Variants in PSMD1 observed in about 807,000 individuals in gnomAD.
PSMD1 encodes proteasome 26S subunit, non-ATPase 1, also known as 26S proteasome non-ATPase regulatory subunit 1.
A neutral mutation model predicts 119.0 loss-of-function variants in PSMD1; 18 were observed. That is an observed-to-expected ratio of 0.15 (90% CI 0.10 to 0.22). The LOEUF (loss-of-function observed/expected upper bound fraction) is 0.22, where lower values mean the gene tolerates loss of function less well. Ranked by LOEUF, PSMD1 falls within the 10% of genes least tolerant of loss-of-function variation. The probability of loss-of-function intolerance (pLI) is 1.00; values close to 1 mark genes in which losing one functional copy is unlikely to be tolerated. For missense variants in PSMD1, 702 were observed against 1,158.5 expected (o/e 0.61, Z 5.72); for synonymous variants, 374 against 396.6 (o/e 0.94, Z 0.68).
intron 16 of PSMD1, among the ~76,000 whole-genome samples, chr2:231,093,359 C>T (rs953012875): frequency 1.2e-4 from 18 of 152,262 alleles, no homozygotes; most frequent in African/African-American, 3.9e-4. Flanking sequence ...ATTCGCTCAG[C>T]CTCCTGAGTT....
At chr2:231,092,831 C>T (rs199899188) in intron 16 of PSMD1, among the ~76,000 whole-genome samples, 40 of 152,248 alleles carry the variant, frequency 2.6e-4, no homozygotes, top group African/African-American at 9.1e-4. Context: ...TTGCATTGCC[C>T]GGTTTGAGGC....
chr2:231,072,128 T>C (rs1694056584), intron 6 of PSMD1, 61 bp from the exon 7 acceptor site: 3 of 1,402,374 alleles, frequency 2.1e-6, no homozygotes, highest in African/African-American at 1.4e-5. Flanking sequence ...TTTTGTCTCC[T>C]TAAGTACCTT....
intron 16 of PSMD1, among the ~76,000 whole-genome samples, chr2:231,132,270 A>C (rs1188650775): frequency 2.0e-5 from 3 of 152,204 alleles, no homozygotes; most frequent in African/African-American, 4.8e-5. Context: ...AACAAGTAAA[A>C]ATGACAAAAT....
Position 231,170,365 on chromosome 2 carries a change from T to C in PSMD1, c.2716-201T>C, listed in dbSNP as rs1375983336. 6.5e-6 allele frequency: 3 copies of C among 461,534 alleles called. No individual in the cohort carries two copies. The highest frequency in any genetic ancestry group is 1.1e-5 in the Non-Finnish European group (3 of 269,424). The allele number at this position is 461,534 out of a possible 1,614,324, so 28.6% of individuals were successfully genotyped here. Reference sequence around the variant, plus strand: ...CCAAGTAGAACAGCATCACATGTTATACCATCTAGAGCTACTGGGTTAAGT... The same window carrying C: ...CCAAGTAGAACAGCATCACATGTTACACCATCTAGAGCTACTGGGTTAAGT... On this transcript the variant is annotated intron_variant, in intron 23 of 24. Coordinates refer to ENST00000308696, the MANE Select transcript of PSMD1 (RefSeq NM_002807.4). This position sits in a 1 kb window ranked among gnomAD's most constrained non-coding sequence, Gnocchi z 4.1.
chr2:231,096,488 T>C (rs913851297), intron 16 of PSMD1, among the ~76,000 whole-genome samples: 1 of 152,216 alleles, frequency 6.6e-6, no homozygotes, highest in African/African-American at 2.4e-5. Context: ...TTCTGCATGA[T>C]GTTGTTTAAG....
intron 17 of PSMD1, among the ~76,000 whole-genome samples, chr2:231,143,189 GT>G (rs1696169189): frequency 1.3e-3 from 1 of 792 alleles, no homozygotes; most frequent in Admixed American, 0.019. Context: ...AACGTTGTGG[GT>G]TTGGTTTGGT....
intron 5 of PSMD1, 74 bp downstream of exon 5, chr2:231,067,185 T>C: frequency 1.7e-6 from 2 of 1,167,942 alleles, no homozygotes; most frequent in African/African-American, 3.1e-5. Context: ...AACTGAAACT[T>C]TCATAGGCAG....
intron 21 of PSMD1, 73 bp downstream of exon 21, chr2:231,163,800 A>G (rs1383507615): frequency 3.6e-6 from 4 of 1,101,418 alleles, no homozygotes; most frequent in Admixed American, 4.5e-5. Flanking sequence ...CTTTTTCTTT[A>G]ACTATCTTTT....
intron 16 of PSMD1, among the ~76,000 whole-genome samples, chr2:231,115,190 CAA>C (rs779451668): frequency 9.6e-5 from 12 of 124,512 alleles, no homozygotes; most frequent in Admixed American, 1.6e-4. Context: ...AATCTCAGAC[CAA>C]AAAAAAAAAA....
intron 16 of PSMD1, chr2:231,109,009 G>A (rs371120289): frequency 4.0e-5 from 64 of 1,614,078 alleles, no homozygotes; most frequent in African/African-American, 8.0e-5. Flanking sequence ...CTCTCTGTTC[G>A]TTGGAAATGG....
chr2:231,088,385 A>T (rs1465160615), intron 16 of PSMD1, among the ~76,000 whole-genome samples: 1 of 152,210 alleles, frequency 6.6e-6, no homozygotes, highest in Non-Finnish European at 1.5e-5. Context: ...AGCTTTGCAG[A>T]TACTGCATTT....
chr2:231,150,841 A>G (rs1255227662), intron 18 of PSMD1, among the ~76,000 whole-genome samples: 1 of 152,226 alleles, frequency 6.6e-6, no homozygotes, highest in Non-Finnish European at 1.5e-5. Context: ...CTTGATGTAC[A>G]GCTACATTTC....
intron 6 of PSMD1, 95 bp downstream of exon 6, chr2:231,070,263 G>A: frequency 1.9e-6 from 2 of 1,028,002 alleles, no homozygotes; most frequent in Non-Finnish European, 2.5e-6. Flanking sequence ...TTACTATAAT[G>A]GCTTTATACA....
intron 24 of PSMD1, among the ~76,000 whole-genome samples, chr2:231,171,848 G>A (rs1265168638): frequency 6.6e-6 from 1 of 151,866 alleles, no homozygotes; most frequent in South Asian, 2.1e-4. Flanking sequence ...GAGCCACCAC[G>A]CCCGGCCAAT....
rs75100555 is a variant in PSMD1 at position 231,131,018 on chromosome 2, G to T, written c.1884-7718G>T. ...TAATGTATTTTCTTTTAACCTGTAG[G>T]TTCTCTCTTCATCTCTTGCCTTGCC... On this transcript the variant is annotated intron_variant, in intron 16 of 24. Transcript: ENST00000308696. 5.9e-3 allele frequency among the ~76,000 whole-genome samples: 895 copies of T among 152,238 alleles called. 16 individuals carry two copies. Among genetic ancestry groups the T allele is most frequent in the African/African-American group, 0.021 (860 of 41,538 alleles).
chr2:231,091,405 T>G (rs528563063), intron 16 of PSMD1, among the ~76,000 whole-genome samples: 19 of 152,346 alleles, frequency 1.2e-4, no homozygotes, highest in African/African-American at 3.8e-4. Context: ...CAATAAGGTT[T>G]GCATCTTTCC....
chr2:231,165,762 G>T lies in PSMD1; in HGVS notation c.2569-109G>T, dbSNP rs576796345. On this transcript the variant is annotated intron_variant, in intron 22 of 24. Coordinates refer to ENST00000308696, the MANE Select transcript of PSMD1 (RefSeq NM_002807.4). ...CTTTAGTTGTACTTCCATTACTACCGACCACTACCTCTTGTACCTTATAGC... is the reference window on the plus strand; with the variant it reads ...CTTTAGTTGTACTTCCATTACTACCTACCACTACCTCTTGTACCTTATAGC... The T allele has an allele frequency of 4.2e-6, 4 of 943,170 alleles. No homozygotes were observed. The South Asian group carries it at 5.9e-5, about 14-fold the overall frequency. The allele number at this position is 943,170 out of a possible 1,614,324, so 58.4% of individuals were successfully genotyped here. A position where few individuals can be genotyped will look rare whatever the true frequency, so the allele number is the denominator to read the frequency against.
intron 16 of PSMD1, among the ~76,000 whole-genome samples, chr2:231,136,462 T>C (rs758610870): frequency 6.6e-6 from 1 of 152,266 alleles, no homozygotes; most frequent in Non-Finnish European, 1.5e-5. Context: ...TGAATTTTAT[T>C]TTATTGGTTT....
chr2:231,119,467 C>T (rs1695455994), intron 16 of PSMD1, among the ~76,000 whole-genome samples: 1 of 152,150 alleles, frequency 6.6e-6, no homozygotes, highest in African/African-American at 2.4e-5. Context: ...AACCAGGATT[C>T]AGACCCTGGG....
Sources: gnomAD v4.1 joint callset for allele counts (sites outside exome capture counted in the v4.1 genomes callset) on GRCh38, gnomAD v4.1.1 for gene constraint, Gnocchi (gnomAD v3.1) non-coding constraint, MANE v1.5 for transcripts, NCBI Gene and HGNC (gene_info 2026-07-23, HGNC 2026-07-21) for gene names.